The following DIP2C variants were observed in gnomAD, a reference collection of about 807,000 sequenced individuals.
The protein encoded by DIP2C is DIP2 acetate--CoA ligase C (putative).
Under a neutral mutation model 192.4 loss-of-function variants are expected in DIP2C, and 33 were observed. The observed-to-expected ratio is 0.17, with a 90% CI of 0.13 to 0.23. The LOEUF (loss-of-function observed/expected upper bound fraction) is 0.23, where lower values mean the gene tolerates loss of function less well. DIP2C is among the 10% of genes least tolerant of loss of function. The pLI is 1.00. For missense variants in DIP2C, 1,537 were observed against 2,110.1 expected, an observed-to-expected ratio of 0.73 and a Z score of 5.32; for synonymous variants, 979 against 864.1, an observed-to-expected ratio of 1.13 and a Z score of -2.33.
intron 1 of DIP2C, among the ~76,000 whole-genome samples, chr10:550,558 T>C (rs548863395): frequency 6.6e-6 from 1 of 152,250 alleles, no homozygotes; most frequent in East Asian, 1.9e-4. Context: ...CATTTAAAAA[T>C]GTCAGTGCTA....
intron 1 of DIP2C, among the ~76,000 whole-genome samples, chr10:619,537 G>GCCCGCCCT (rs1554757180): frequency 1.9e-5 from 1 of 51,330 alleles, no homozygotes; most frequent in Non-Finnish European, 5.4e-5. Flanking sequence ...AAGCCCGCCC[G>GCCCGCCCT]CCCGCCCTCC....
rs143161142 is a variant in DIP2C, at chr10:449,278, A to G, written c.269-8282T>C. ...AGGGACTTTCAAGCTCATCTTGTGT[A>G]ACAAAAGTCGACTTCTCCACCTCCC... is the stretch of plus-strand genomic sequence containing the variant. On this transcript the variant is annotated intron_variant, in intron 3 of 36. Transcript: ENST00000280886. 8.3e-4 allele frequency among the ~76,000 whole-genome samples: 127 copies of G among 152,322 alleles called. 1 individual carries two copies. The highest frequency in any genetic ancestry group is 2.9e-3 in the African/African-American group (122 of 41,574).
intron 1 of DIP2C, among the ~76,000 whole-genome samples, chr10:683,356 T>C (rs1389157229): frequency 6.6e-6 from 1 of 152,240 alleles, no homozygotes; most frequent in Non-Finnish European, 1.5e-5. Flanking sequence ...GGGCACTGTT[T>C]ATGATCATCA....
At chr10:569,473 C>T (rs544205873) in intron 1 of DIP2C, among the ~76,000 whole-genome samples, 7 of 152,066 alleles carry the variant, frequency 4.6e-5, no homozygotes, top group African/African-American at 7.2e-5. Flanking sequence ...TTGGCATTCC[C>T]GTGAGAAAAT....
chr10:387,625 G>A, intron 14 of DIP2C, 120 bp downstream of exon 14: 1 of 845,066 alleles, frequency 1.2e-6, no homozygotes, highest in Non-Finnish European at 2.0e-6. Context: ...TGGACAGACA[G>A]TGTGGGGAGG....
chr10:498,167 C>CT (rs1844979701), intron 1 of DIP2C, among the ~76,000 whole-genome samples: 1 of 152,216 alleles, frequency 6.6e-6, no homozygotes, highest in Non-Finnish European at 1.5e-5. Flanking sequence ...AATCCAGCCT[C>CT]TGTCATGCGT....
Position 420,401 on chromosome 10 carries a change from G to A in DIP2C, c.605-1202C>T, listed in dbSNP as rs551667444. Among the ~76,000 whole-genome samples the A allele has an allele frequency of 3.9e-5, 6 of 152,298 alleles. No homozygotes were observed. In the East Asian group the frequency reaches 1.2e-3, roughly 30 times the overall value. ...GCAATGCCGTTCACTGGGAACCCGT[G>A]ACTGAAAAGACAAGAACTAAGGGGA... On this transcript the variant is annotated intron_variant, in intron 5 of 36. Transcript: ENST00000280886.
intron 3 of DIP2C, among the ~76,000 whole-genome samples, chr10:450,943 A>G (rs571065444): frequency 1.3e-5 from 2 of 152,172 alleles, no homozygotes; most frequent in African/African-American, 4.8e-5. Flanking sequence ...GCGTACATGT[A>G]TGTATATGTC....
chr10:475,773 A>G (rs1971009418), intron 2 of DIP2C, among the ~76,000 whole-genome samples: 1 of 152,184 alleles, frequency 6.6e-6, no homozygotes, highest in Non-Finnish European at 1.5e-5. Flanking sequence ...CGAGGCTGCA[A>G]GTGGCTTAAC....
intron 1 of DIP2C, among the ~76,000 whole-genome samples, chr10:556,174 GCCGGATCCCAGGACAGCACC>G (rs1291651889): frequency 1.4e-5 from 1 of 71,154 alleles, no homozygotes; most frequent in Non-Finnish European, 2.4e-5. Flanking sequence ...CCCTCCCACA[GCCGGATCCCAGGACAGCACC>G]CACCCACCCC....
intron 32 of DIP2C, among the ~76,000 whole-genome samples, chr10:303,743 G>C (rs1260511576): frequency 1.3e-5 from 2 of 152,036 alleles, no homozygotes; most frequent in African/African-American, 4.8e-5. Flanking sequence ...GGCTGGTCTC[G>C]AACTCCCGAC....
At chr10:497,210 G>T (rs931630413) in intron 1 of DIP2C, among the ~76,000 whole-genome samples, 1 of 152,326 alleles carries the variant, frequency 6.6e-6, no homozygotes, top group African/African-American at 2.4e-5. Flanking sequence ...GTACTGTATT[G>T]TTTAGGGAAT....
chr10:357,175 T>C (rs1228201707), intron 23 of DIP2C, among the ~76,000 whole-genome samples: 1 of 152,246 alleles, frequency 6.6e-6, no homozygotes, highest in Non-Finnish European at 1.5e-5. Context: ...GGCACACTTT[T>C]GGCTGTGGGA....
chr10:376,555 G>A lies in DIP2C; in HGVS notation c.1991+6092C>T, dbSNP rs570180829. ...CTGGCAGCCAGAACCCCGAGGAAGT[G>A]TCTTTTTTTTTTTTTTTTTAAACAG... is the stretch of plus-strand genomic sequence containing the variant. On this transcript the variant is annotated intron_variant, in intron 17 of 36. Coordinates refer to ENST00000280886, the MANE Select transcript of DIP2C (RefSeq NM_014974.3). 1.5e-4 allele frequency among the ~76,000 whole-genome samples: 12 copies of A among 81,848 alleles called. No individual in the cohort carries two copies. In the South Asian group the frequency reaches 6.1e-3, roughly 42 times the overall value. 53.7% of individuals were successfully genotyped at this position (81,848 alleles called of 152,430 possible).
intron 1 of DIP2C, chr10:650,753 A>G (rs1855831048): frequency 1.5e-6 from 1 of 652,364 alleles, no homozygotes; most frequent in Admixed American, 2.3e-5. Flanking sequence ...ACTTCCCTGC[A>G]TAAGTTTAAG....
intron 9 of DIP2C, among the ~76,000 whole-genome samples, chr10:407,046 G>A (rs1400755432): frequency 6.6e-6 from 1 of 152,134 alleles, no homozygotes; most frequent in Non-Finnish European, 1.5e-5. Flanking sequence ...TAAAAACTCT[G>A]AACGATCCTC....
At chr10:488,953 G>C (rs1367354936) in intron 1 of DIP2C, among the ~76,000 whole-genome samples, 4 of 152,206 alleles carry the variant, frequency 2.6e-5, no homozygotes, top group Non-Finnish European at 5.9e-5. Context: ...TAAGTGACTG[G>C]CTGGGAGTGC....
At chr10:678,425 C>T (rs74628220) in intron 1 of DIP2C, among the ~76,000 whole-genome samples, 1,741 of 152,144 alleles carry the variant, frequency 0.011, 28 homozygotes, top group African/African-American at 0.04. Flanking sequence ...GCACAGAGTA[C>T]GTGTTCGGCA....
chr10:665,200 T>G (rs1857009468), intron 1 of DIP2C: 1 of 152,260 alleles, frequency 6.6e-6, no homozygotes, highest in Non-Finnish European at 1.5e-5. Flanking sequence ...TAATTTATTT[T>G]TTGCTTTGGA....
Sources: allele counts gnomAD v4.1 joint callset (sites outside exome capture counted in the v4.1 genomes callset), GRCh38; gene constraint gnomAD v4.1.1; transcripts MANE v1.5; gene names NCBI Gene and HGNC (gene_info 2026-07-23, HGNC 2026-07-21).